BMP1: variants seen among roughly 807,000 people sequenced by gnomAD.
BMP1 encodes the protein bone morphogenetic protein 1, also known as mammalian tolloid protein.
In BMP1, 63 loss-of-function variants were observed where a neutral mutation model predicts 116.8. That is an observed-to-expected ratio of 0.54 (90% CI 0.44 to 0.67). The LOEUF is 0.67. BMP1 is among the 30% of genes least tolerant of loss of function. The pLI, the probability that BMP1 is intolerant of heterozygous loss-of-function variation, is 0.00. For synonymous variants in BMP1, 536 were observed against 533.4 expected, an observed-to-expected ratio of 1.00 and a Z score of -0.07; for missense variants, 1,183 against 1,358.9, an observed-to-expected ratio of 0.87 and a Z score of 2.04.
At chr8:22,187,580 A>T (rs1355690485) in intron 8 of BMP1, among the ~76,000 whole-genome samples, 1 of 138,538 alleles carries the variant, frequency 7.2e-6, no homozygotes, top group East Asian at 2.1e-4. Flanking sequence ...CGATCTCCTG[A>T]CCTCATGATA....
rs141714633 is a variant in BMP1 at position 22,199,112 on chromosome 8, C to T, written c.2107+1692C>T. On this transcript the variant is annotated intron_variant, in intron 15 of 19. Transcript: ENST00000306385. ...GCCCTGGTCGACACTGTGCCCGCCCCACCCTCAGCCCTGCACGGAGACACA... is the reference window on the plus strand; with the variant it reads ...GCCCTGGTCGACACTGTGCCCGCCCTACCCTCAGCCCTGCACGGAGACACA... 76 of 1,367,670 alleles carry T rather than the reference C, an allele frequency of 5.6e-5. No homozygotes were observed. The African/African-American group carries it at 1.0e-3, about 19-fold the overall frequency. 84.7% of individuals were successfully genotyped at this position (1,367,670 alleles called of 1,614,324 possible).
chr8:22,174,457 G>A (rs546774863), intron 2 of BMP1, among the ~76,000 whole-genome samples: 3 of 152,188 alleles, frequency 2.0e-5, no homozygotes, highest in Admixed American at 1.3e-4. Context: ...AGGAATGGGA[G>A]GGATGAGGGC....
At position 22,209,441 on chromosome 8, in the gene BMP1, A is replaced by C. The variant is rs749855194; in HGVS notation, c.2576-4A>C. The C allele has an allele frequency of 6.2e-7, 1 of 1,613,814 alleles. No homozygotes were observed. The highest frequency in any genetic ancestry group is 1.3e-5 in the African/African-American group (1 of 74,912). Reference sequence around the variant, plus strand: ...GGCTGGTTGGCCCCTCTTGTCCCCTACAGAGTGCGGGGGCCAGGTACGGGC... The same window carrying C: ...GGCTGGTTGGCCCCTCTTGTCCCCTCCAGAGTGCGGGGGCCAGGTACGGGC... On this transcript the variant is annotated splice_region_variant and splice_polypyrimidine_tract_variant and intron_variant, in intron 18 of 19. Transcript: ENST00000306385.
rs770089271 is a variant in BMP1 at position 22,194,908 on chromosome 8, A to G, written c.1628A>G (p.Asn543Ser). The G allele has an allele frequency of 5.6e-6, 9 of 1,608,242 alleles. No homozygotes were observed. Among genetic ancestry groups the G allele is most frequent in the Non-Finnish European group, 7.6e-6 (9 of 1,177,824 alleles). ...ATTAACAAAGCGGGCTTTGCCGTCA[A>G]CTTTTTCAAAGGTGCCTCCTCTGTT... ...GSINKAGFAVNFFKEVDECSR... is the reference protein window; with the variant it reads ...GSINKAGFAVSFFKEVDECSR... The change falls in exon 12 of 20, where the codon AAC (asparagine) becomes AGC (serine). Residue 543 changes from asparagine to serine, a missense_variant. Transcript: ENST00000306385. The surrounding 1 kb of genome is among the most constrained non-coding windows in gnomAD (Gnocchi z 4.5).
chr8:22,191,763 A>G (rs1281520986), intron 8 of BMP1, among the ~76,000 whole-genome samples: 6 of 152,114 alleles, frequency 3.9e-5, no homozygotes, highest in African/African-American at 1.4e-4. Flanking sequence ...TCTTGAAGAT[A>G]TTGTGGGTTG....
chr8:22,201,521 C>T, intron 15 of BMP1: 7 of 1,404,014 alleles, frequency 5.0e-6, no homozygotes, highest in Non-Finnish European at 6.5e-6. Flanking sequence ...ACTTGTCCAT[C>T]TGTCCAGTAA....
In BMP1 at chr8:22,176,633, C is replaced by T. The variant is rs769328542; in HGVS notation, c.534C>T (p.Phe178=). 5.6e-6 allele frequency: 9 copies of T among 1,614,046 alleles called. No individual in the cohort carries two copies. In the East Asian group the frequency reaches 1.1e-4, roughly 20 times the overall value. Residue 178 remains phenylalanine (F), a synonymous_variant, in exon 4 of 20, where the codon TTC becomes TTT. Coordinates refer to ENST00000306385, the MANE Select transcript of BMP1 (RefSeq NM_006129.5). Reference sequence around the variant, plus strand: ...CTGACGAGGACAGCTATATTGTGTTCACCTATCGACCTTGCGGGTGAGCAG... The same window carrying T: ...CTGACGAGGACAGCTATATTGTGTTTACCTATCGACCTTGCGGGTGAGCAG... ...ERTDEDSYIV[F]TYRPCGCCSY... is the part of the protein sequence containing the mutation.
intron 15 of BMP1, chr8:22,199,276 T>G (rs748015237): frequency 7.3e-7 from 1 of 1,367,124 alleles, no homozygotes. Flanking sequence ...GGGGAGCTAT[T>G]TGGACTTTTG....
At position 22,207,456 on chromosome 8, in the gene BMP1, C is replaced by G. The variant is rs1321303858; in HGVS notation, c.2515C>G (p.Leu839Val). ...PVLATGSRMF[L>V]RFYSDNSVQR... ...CCTGGCCACAGGCAGCCGCATGTTC[C>G]TGCGCTTCTACTCAGATAACTCGGT... The change falls in exon 18 of 20, where the codon CTG (leucine) becomes GTG (valine). Residue 839 changes from leucine to valine, a missense_variant. This residue lies in a region of BMP1 where 956 missense variants were observed against 1,135.2 expected (regional missense o/e 0.84). Coordinates refer to ENST00000306385, the MANE Select transcript of BMP1 (RefSeq NM_006129.5). 3.7e-6 allele frequency: 6 copies of G among 1,614,000 alleles called. No homozygotes were observed. The highest frequency in any genetic ancestry group is 3.4e-6 in the Non-Finnish European group (4 of 1,180,048).
chr8:22,209,332 G>T, intron 18 of BMP1, 113 bp from the exon 19 acceptor site: 1 of 1,504,156 alleles, frequency 6.6e-7, no homozygotes, highest in Non-Finnish European at 8.9e-7. Flanking sequence ...CACTGGCCTC[G>T]TGGCCTTCAC....
intron 8 of BMP1, among the ~76,000 whole-genome samples, chr8:22,181,235 C>T (rs1162799902): frequency 1.3e-5 from 2 of 152,214 alleles, no homozygotes; most frequent in Non-Finnish European, 2.9e-5. Context: ...AGCTCAGCTC[C>T]ACCTTCTGTC....
chr8:22,197,133 G>A, intron 14 of BMP1, 107 bp from the exon 15 acceptor site: 3 of 1,424,174 alleles, frequency 2.1e-6, no homozygotes, highest in Non-Finnish European at 2.9e-6. Flanking sequence ...AGGGGGCGTA[G>A]CTAAGTCAAG....
intron 9 of BMP1, 154 bp downstream of exon 9, chr8:22,192,305 G>A (rs1828958404): frequency 4.9e-6 from 3 of 613,730 alleles, no homozygotes; most frequent in Non-Finnish European, 8.6e-6. Flanking sequence ...GTCCCAGATA[G>A]CTGCATTACT....
chr8:22,184,700 A>G (rs142805956), intron 8 of BMP1, among the ~76,000 whole-genome samples: 1 of 152,324 alleles, frequency 6.6e-6, no homozygotes, highest in East Asian at 1.9e-4. Flanking sequence ...TAACACTTTT[A>G]CAACCTAGGT....
intron 15 of BMP1, among the ~76,000 whole-genome samples, chr8:22,200,347 A>G (rs556600547): frequency 2.0e-5 from 3 of 152,278 alleles, no homozygotes; most frequent in South Asian, 4.1e-4. Flanking sequence ...ATCCATGTCC[A>G]GGTGTCCATG....
At chr8:22,168,189 C>G (rs1828171984) in intron 1 of BMP1, among the ~76,000 whole-genome samples, 2 of 152,088 alleles carry the variant, frequency 1.3e-5, no homozygotes, top group Admixed American at 6.5e-5. Context: ...CTGGGTGAGA[C>G]CAGGACGTTG....
At position 22,173,611 on chromosome 8, in the gene BMP1, T is replaced by C. The variant is rs1206356937; in HGVS notation, c.158T>C (p.Leu53Pro). The C allele has an allele frequency of 7.5e-6, 12 of 1,610,728 alleles. No homozygotes were observed. The highest frequency in any genetic ancestry group is 1.0e-5 in the Non-Finnish European group (12 of 1,178,600). Residue 53 changes from leucine (L) to proline (P), a missense_variant, in exon 2 of 20, where the codon CTT becomes CCT. Around this residue, in one of 4 missense-constraint regions of BMP1, gnomAD observed 185 missense variants for 158.9 expected, o/e 1.16. Transcript: ENST00000306385. ...YKDPCKAAAFLGDIALDEEDL... is the reference protein window; with the variant it reads ...YKDPCKAAAFPGDIALDEEDL... ...CTTCTTTTCTCTTTAGCTGCCTTTC[T>C]TGGGGACATTGCCCTGGACGAAGAG...
At chr8:22,170,754 AGAACAGCCT>A (rs1031563315) in intron 1 of BMP1, 7 of 152,164 alleles carry the variant, frequency 4.6e-5, no homozygotes, top group Non-Finnish European at 8.8e-5. Context: ...CAGGAGTTCA[AGAACAGCCT>A]GATCAACAAG....
intron 6 of BMP1, 97 bp downstream of exon 6, chr8:22,178,054 C>T: frequency 9.3e-7 from 1 of 1,070,576 alleles, no homozygotes; most frequent in Non-Finnish European, 1.4e-6. Flanking sequence ...GGGGCAGTGA[C>T]CCAGGAAAAG....
Sources: gnomAD v4.1 joint callset for allele counts (sites outside exome capture counted in the v4.1 genomes callset) on GRCh38, gnomAD v4.1.1 for gene constraint, gnomAD v4.1.1 regional missense constraint, Gnocchi (gnomAD v3.1) non-coding constraint, MANE v1.5 for transcripts, NCBI Gene and HGNC (gene_info 2026-07-23, HGNC 2026-07-21) for gene names.